Variants in TBCK observed in about 807,000 individuals in gnomAD.
TBCK encodes the protein TBC1 domain containing kinase, also known as TBC domain-containing protein kinase-like protein.
TBCK carries 99 observed loss-of-function variants against 113.4 expected under a neutral mutation model. The ratio of observed to expected loss-of-function variants is 0.87; its 90% confidence interval spans 0.74 to 1.03. The LOEUF is 1.03. Among genes scored for constraint, TBCK ranks in the 50% least tolerant of loss-of-function variants. The pLI is 0.00. For synonymous variants in TBCK, 369 were observed against 370.8 expected (o/e 1.00, Z 0.05); for missense variants, 1,045 against 1,061.3 (o/e 0.98, Z 0.21).
chr4:106,208,736 T>C (rs1755810391), intron 20 of TBCK, among the ~76,000 whole-genome samples: 1 of 152,096 alleles, frequency 6.6e-6, no homozygotes, highest in Non-Finnish European at 1.5e-5. Context: ...ACACCCCTCC[T>C]GCTTGCCAAA....
At chr4:106,068,676 A>G (rs541496049) in intron 25 of TBCK, among the ~76,000 whole-genome samples, 12 of 152,270 alleles carry the variant, frequency 7.9e-5, no homozygotes, top group Non-Finnish European at 1.5e-4. Flanking sequence ...TAATGGGATC[A>G]CTGGGTCAAA....
intron 23 of TBCK, among the ~76,000 whole-genome samples, chr4:106,170,890 T>A (rs1009570250): frequency 6.6e-6 from 1 of 151,998 alleles, no homozygotes; most frequent in African/African-American, 2.4e-5. Context: ...CCTGGAGGAG[T>A]ACGTCAAAAT....
At chr4:106,309,992 T>G (rs1400674911) in intron 1 of TBCK, 1 of 152,082 alleles carries the variant, frequency 6.6e-6, no homozygotes, top group Non-Finnish European at 1.5e-5. Context: ...ACTTGCTCCA[T>G]ATCAATCTGA....
intron 23 of TBCK, among the ~76,000 whole-genome samples, chr4:106,123,423 A>G (rs1257890572): frequency 1.3e-5 from 2 of 152,246 alleles, no homozygotes; most frequent in African/African-American, 2.4e-5. Context: ...GGAAGAATCA[A>G]TATCATGAAA....
intron 23 of TBCK, among the ~76,000 whole-genome samples, chr4:106,167,131 TAGAGAG>T (rs59727874): frequency 7.0e-6 from 1 of 143,102 alleles, no homozygotes; most frequent in Non-Finnish European, 1.5e-5. Flanking sequence ...TATATATATA[TAGAGAG>T]AGAGAGAGAG....
chr4:106,105,964 C>T (rs564672806), intron 24 of TBCK, among the ~76,000 whole-genome samples: 4 of 151,856 alleles, frequency 2.6e-5, no homozygotes, highest in Admixed American at 6.6e-5. Flanking sequence ...CAAAGATAAT[C>T]GAAATGAAAA....
rs1767826870 is a variant in TBCK at position 106,308,756 on chromosome 4, A to G, written c.193+12T>C. The G allele has an allele frequency of 6.3e-7, 1 of 1,599,322 alleles. No homozygotes were observed. The highest frequency in any genetic ancestry group is 8.5e-7 in the Non-Finnish European group (1 of 1,175,438). On this transcript the variant is annotated intron_variant, in intron 2 of 25. Transcript: ENST00000394708. ...AGAGAACATAAATAGGAAAAAAAAG[A>G]AAATAACTTACCATGCTTTCCCCTA...
At chr4:106,096,233 A>G (rs1323616612) in intron 24 of TBCK, among the ~76,000 whole-genome samples, 2 of 152,206 alleles carry the variant, frequency 1.3e-5, no homozygotes, top group African/African-American at 4.8e-5. Flanking sequence ...AATATTCCCA[A>G]TTGCAGTTTT....
intron 5 of TBCK, among the ~76,000 whole-genome samples, chr4:106,253,549 C>T (rs1283212972): frequency 6.6e-6 from 1 of 152,138 alleles, no homozygotes; most frequent in Non-Finnish European, 1.5e-5. Flanking sequence ...ACGAGTTATA[C>T]CAATCTATAC....
intron 6 of TBCK, 34 bp from the exon 7 acceptor site, chr4:106,250,512 AT>A: frequency 7.9e-7 from 1 of 1,267,228 alleles, no homozygotes; most frequent in Non-Finnish European, 1.1e-6. Context: ...TTCTATTAAT[AT>A]TTACATGTTT....
intron 3 of TBCK, among the ~76,000 whole-genome samples, chr4:106,293,678 C>T (rs1038473437): frequency 1.7e-4 from 26 of 152,116 alleles, no homozygotes; most frequent in African/African-American, 5.8e-4. Flanking sequence ...GCAATAATAG[C>T]ACTTTTATTC....
At chr4:106,122,609 T>C (rs1187671132) in intron 23 of TBCK, among the ~76,000 whole-genome samples, 1 of 152,148 alleles carries the variant, frequency 6.6e-6, no homozygotes, top group Non-Finnish European at 1.5e-5. Flanking sequence ...TGATGAACAT[T>C]GATGCAAAAA....
At chr4:106,066,281 C>T (rs1438491246) in intron 25 of TBCK, among the ~76,000 whole-genome samples, 1 of 151,928 alleles carries the variant, frequency 6.6e-6, no homozygotes, top group Admixed American at 6.6e-5. Flanking sequence ...GATTTTAATG[C>T]TGTCAGCTGC....
chr4:106,256,229 G>A lies in TBCK; in HGVS notation c.455+4208C>T, dbSNP rs574294284. On this transcript the variant is annotated intron_variant, in intron 5 of 25. Coordinates refer to ENST00000394708, the MANE Select transcript of TBCK (RefSeq NM_001163435.3). ...GCTTCAGGCCCTCCTGGGCTTGAAGGCAGGGCTTCACCAGGGACCTGCCCC... is the reference window on the plus strand; with the variant it reads ...GCTTCAGGCCCTCCTGGGCTTGAAGACAGGGCTTCACCAGGGACCTGCCCC... Among the ~76,000 whole-genome samples, 38 of 152,210 alleles carry A rather than the reference G, an allele frequency of 2.5e-4. 1 individual carries two copies. Among genetic ancestry groups the A allele is most frequent in the Admixed American group, 2.3e-3 (35 of 15,306 alleles).
intron 22 of TBCK, among the ~76,000 whole-genome samples, chr4:106,191,576 T>C (rs1454358753): frequency 6.6e-6 from 1 of 152,184 alleles, no homozygotes; most frequent in East Asian, 1.9e-4. Flanking sequence ...TTCCTGTTCA[T>C]CCAGTTAAGT....
At chr4:106,312,413 A>G (rs1334590761) in intron 1 of TBCK, among the ~76,000 whole-genome samples, 1 of 152,156 alleles carries the variant, frequency 6.6e-6, no homozygotes, top group African/African-American at 2.4e-5. Context: ...ACAATGACAA[A>G]CCTTTAACTT....
chr4:106,231,222 G>GA (rs56685939), intron 18 of TBCK, among the ~76,000 whole-genome samples: 24 of 145,554 alleles, frequency 1.6e-4, no homozygotes, highest in Admixed American at 4.1e-4. Flanking sequence ...AGAAGGGCAG[G>GA]AAAAAAAAAA....
chr4:106,093,891 G>A (rs1740610678), intron 25 of TBCK, among the ~76,000 whole-genome samples: 2 of 152,146 alleles, frequency 1.3e-5, no homozygotes, highest in African/African-American at 4.8e-5. Flanking sequence ...GAGCCCTGAT[G>A]TAAACTGTGG....
chr4:106,138,707 A>T (rs1049883841), intron 23 of TBCK, among the ~76,000 whole-genome samples: 2 of 141,174 alleles, frequency 1.4e-5, no homozygotes, highest in Non-Finnish European at 3.2e-5. Context: ...CGTTTCTATT[A>T]ATATCCAGAA....
Sources: allele counts gnomAD v4.1 joint callset (sites outside exome capture counted in the v4.1 genomes callset), GRCh38; gene constraint gnomAD v4.1.1; transcripts MANE v1.5; gene names NCBI Gene and HGNC (gene_info 2026-07-23, HGNC 2026-07-21).